Variants in SLC25A21 observed in about 807,000 individuals in gnomAD.
SLC25A21 encodes solute carrier family 25 member 21.
SLC25A21 carries 47 observed loss-of-function variants against 43.8 expected under a neutral mutation model. That is an observed-to-expected ratio of 1.07 (90% CI 0.85 to 1.37). SLC25A21 has a LOEUF of 1.37. Ranked by LOEUF, SLC25A21 falls within the 40% of genes most tolerant of loss-of-function variation. SLC25A21 has a pLI of 0.00. For missense variants in SLC25A21, 352 were observed against 350.2 expected (o/e 1.00, Z -0.04); for synonymous variants, 131 against 121.3 (o/e 1.08, Z -0.52).
intron 1 of SLC25A21, among the ~76,000 whole-genome samples, chr14:36,967,930 C>T (rs572230867): frequency 2.1e-4 from 32 of 152,274 alleles, no homozygotes; most frequent in African/African-American, 6.7e-4. Context: ...GTCACCCAAA[C>T]GAGTGCCACA....
intron 7 of SLC25A21, among the ~76,000 whole-genome samples, chr14:36,690,805 T>A (rs1882764630): frequency 1.3e-5 from 2 of 152,220 alleles, no homozygotes; most frequent in South Asian, 4.1e-4. Context: ...CTCTTAAAGC[T>A]TGGCCAGTCG....
chr14:36,829,269 G>A (rs1291015690), intron 2 of SLC25A21, among the ~76,000 whole-genome samples: 1 of 152,074 alleles, frequency 6.6e-6, no homozygotes, highest in African/African-American at 2.4e-5. Flanking sequence ...AAAGACTCCT[G>A]TGTTATCCTA....
intron 1 of SLC25A21, among the ~76,000 whole-genome samples, chr14:37,065,606 G>T (rs1962042985): frequency 6.6e-6 from 1 of 152,106 alleles, no homozygotes; most frequent in Non-Finnish European, 1.5e-5. Flanking sequence ...CCAACACCAG[G>T]GGACTTAAGG....
chr14:36,870,539 A>G (rs1378968295), intron 2 of SLC25A21: 1 of 152,098 alleles, frequency 6.6e-6, no homozygotes, highest in Non-Finnish European at 1.5e-5. Flanking sequence ...CCTTGTTCTT[A>G]GAATACCAGT....
At chr14:36,776,226 C>CTTTTTTTTTTTTTTTTTTTT (rs1227806836) in intron 3 of SLC25A21, among the ~76,000 whole-genome samples, 1 of 48,086 alleles carries the variant, frequency 2.1e-5, no homozygotes, top group Non-Finnish European at 4.6e-5. Context: ...TTTTCTTTTT[C>CTTTTTTTTTTTTTTTTTTTT]TTTCTTTCTT....
chr14:37,096,702 T>A (rs1439103511), intron 1 of SLC25A21, among the ~76,000 whole-genome samples: 4 of 152,140 alleles, frequency 2.6e-5, no homozygotes, highest in African/African-American at 9.7e-5. Context: ...AGCTCCAGGA[T>A]TTCTGTTGAT....
chr14:36,753,919 CAGAGAGAGAGAGAGAGAGAGAGAGAGAG>C (rs56871881), intron 3 of SLC25A21, among the ~76,000 whole-genome samples: 1 of 129,990 alleles, frequency 7.7e-6, no homozygotes, highest in African/African-American at 2.7e-5. Flanking sequence ...TCACTGGGGA[CAGAGAGAGAGAGAGAGAGAGAGAGAGAG>C]AGAGAGAGAG....
intron 1 of SLC25A21, among the ~76,000 whole-genome samples, chr14:37,120,236 A>C (rs1963182838): frequency 6.6e-6 from 1 of 152,154 alleles, no homozygotes; most frequent in Non-Finnish European, 1.5e-5. Flanking sequence ...CACTGGAGCA[A>C]ATTATCTCCT....
At chr14:36,887,665 T>C (rs928301633) in intron 1 of SLC25A21, among the ~76,000 whole-genome samples, 3 of 152,050 alleles carry the variant, frequency 2.0e-5, no homozygotes, top group Non-Finnish European at 2.9e-5. Flanking sequence ...TTAAGCTCTA[T>C]GGCTTGGGGA....
chr14:37,092,678 G>A (rs1327559801), intron 1 of SLC25A21, among the ~76,000 whole-genome samples: 1 of 152,094 alleles, frequency 6.6e-6, no homozygotes, highest in Non-Finnish European at 1.5e-5. Context: ...TCAGGATGGT[G>A]CAGGCACTAT....
intron 1 of SLC25A21, among the ~76,000 whole-genome samples, chr14:37,145,934 G>A (rs570639965): frequency 6.6e-6 from 1 of 152,132 alleles, no homozygotes; most frequent in South Asian, 2.1e-4. Flanking sequence ...CAGCTATCAG[G>A]AATAAAATGG....
At chr14:36,698,902 T>C (rs1883156433) in intron 7 of SLC25A21, among the ~76,000 whole-genome samples, 1 of 152,206 alleles carries the variant, frequency 6.6e-6, no homozygotes, top group Non-Finnish European at 1.5e-5. Flanking sequence ...ACTGACCTTC[T>C]GAAGCCACTT....
intron 7 of SLC25A21, among the ~76,000 whole-genome samples, chr14:36,708,063 G>A (rs1218413768): frequency 6.6e-6 from 1 of 152,148 alleles, no homozygotes; most frequent in East Asian, 1.9e-4. Flanking sequence ...AAAGGTGGAG[G>A]CTCCAGTGAA....
intron 2 of SLC25A21, among the ~76,000 whole-genome samples, chr14:36,859,843 T>C (rs1293848631): frequency 1.3e-5 from 2 of 152,208 alleles, no homozygotes; most frequent in East Asian, 3.8e-4. Context: ...GCTTAGTGTG[T>C]TTGTGTTTTA....
chr14:36,681,626 C>T (rs188393167), intron 9 of SLC25A21, among the ~76,000 whole-genome samples: 6 of 151,514 alleles, frequency 4.0e-5, no homozygotes, highest in African/African-American at 1.5e-4. Context: ...GACAAATATC[C>T]TGAACACAAC....
chr14:36,687,886 A>G (rs1233661398), intron 7 of SLC25A21, among the ~76,000 whole-genome samples: 1 of 152,160 alleles, frequency 6.6e-6, no homozygotes, highest in Non-Finnish European at 1.5e-5. Flanking sequence ...CTTTTTAGAA[A>G]AACAGATCTG....
chr14:37,040,369 GAGAGAGAAAGAAAGAAAGAAAGAA>G lies in SLC25A21; in HGVS notation c.70+131888_70+131911del, dbSNP rs1260507788. On this transcript the variant is annotated intron_variant, in intron 1 of 9. Coordinates refer to ENST00000331299, the MANE Select transcript of SLC25A21 (RefSeq NM_030631.4). Reference sequence around the variant, plus strand: ...GGAAGGAAGGAAAGAAAGAGAGAGAGAGAGAGAAAGAAAGAAAGAAAGAAAGAAAGAAAGAAAGAAAGAAAGAAA... The same window carrying G: ...GGAAGGAAGGAAAGAAAGAGAGAGAGAGAAAGAAAGAAAGAAAGAAAGAAA... Among the ~76,000 whole-genome samples, 13 of 28,302 alleles carry G rather than the reference GAGAGAGAAAGAAAGAAAGAAAGAA, an allele frequency of 4.6e-4. 1 individual carries two copies. Among genetic ancestry groups the G allele is most frequent in the African/African-American group, 2.7e-3 (4 of 1,472 alleles). The allele number at this position is 28,302 out of a possible 152,430, so 18.6% of individuals were successfully genotyped here.
intron 1 of SLC25A21, among the ~76,000 whole-genome samples, chr14:37,083,623 T>C (rs1962429111): frequency 6.6e-6 from 1 of 152,156 alleles, no homozygotes; most frequent in South Asian, 2.1e-4. Flanking sequence ...ATGAAGTCTG[T>C]CTAAAGTGTC....
intron 2 of SLC25A21, among the ~76,000 whole-genome samples, chr14:36,820,998 C>T (rs931603709): frequency 1.3e-5 from 2 of 152,236 alleles, no homozygotes; most frequent in African/African-American, 4.8e-5. Context: ...TTTTAATTCA[C>T]TGTAATTAGC....
Sources: gnomAD v4.1 joint callset for allele counts (sites outside exome capture counted in the v4.1 genomes callset) on GRCh38, gnomAD v4.1.1 for gene constraint, MANE v1.5 for transcripts, NCBI Gene and HGNC (gene_info 2026-07-23, HGNC 2026-07-21) for gene names.